Variants in SSBP3 observed in about 807,000 individuals in gnomAD.
The protein encoded by SSBP3 is single stranded DNA binding protein 3, also known as single-stranded DNA-binding protein 3.
SSBP3 carries 5 observed loss-of-function variants against 69.6 expected under a neutral mutation model. The observed-to-expected ratio is 0.07, with a 90% CI of 0.04 to 0.15. The LOEUF is 0.15. SSBP3 is among the 10% of genes least tolerant of loss of function. The pLI is 1.00. For missense variants in SSBP3, 312 were observed against 534.0 expected (o/e 0.58, Z 4.10); for synonymous variants, 196 against 193.4 (o/e 1.01, Z -0.11).
chr1:54,257,280 T>A, intron 6 of SSBP3, 94 bp from the exon 7 acceptor site: 2 of 1,118,692 alleles, frequency 1.8e-6, no homozygotes, highest in Non-Finnish European at 2.5e-6. Context: ...AGTTTTGTTA[T>A]AACTAGTGAT....
intron 4 of SSBP3, among the ~76,000 whole-genome samples, chr1:54,302,905 C>T (rs1446893645): frequency 4.6e-5 from 7 of 152,194 alleles, no homozygotes; most frequent in Admixed American, 4.6e-4. Context: ...GACACCCAGC[C>T]ATGCCCTGGC....
intron 4 of SSBP3, among the ~76,000 whole-genome samples, chr1:54,357,434 G>C (rs1176805719): frequency 2.0e-5 from 3 of 152,230 alleles, no homozygotes; most frequent in African/African-American, 7.2e-5. Flanking sequence ...TTGGGGGCTG[G>C]GGGTAGGGTG....
At chr1:54,297,801 G>T (rs1645728015) in intron 4 of SSBP3, among the ~76,000 whole-genome samples, 1 of 152,180 alleles carries the variant, frequency 6.6e-6, no homozygotes, top group South Asian at 2.1e-4. Context: ...AAAACAAAGG[G>T]AATGGATTCA....
intron 4 of SSBP3, among the ~76,000 whole-genome samples, chr1:54,282,623 C>T (rs991375086): frequency 6.6e-6 from 1 of 152,226 alleles, no homozygotes; most frequent in Admixed American, 6.5e-5. Flanking sequence ...TGCCTGGCCC[C>T]GTGCTCACAC....
At chr1:54,252,649 G>A (rs1211090241) in intron 7 of SSBP3, among the ~76,000 whole-genome samples, 1 of 152,244 alleles carries the variant, frequency 6.6e-6, no homozygotes, top group South Asian at 2.1e-4. Flanking sequence ...GGTAAACACG[G>A]GGGCCACGGG....
At chr1:54,401,501 T>C (rs213498) in intron 4 of SSBP3, among the ~76,000 whole-genome samples, 1 of 152,030 alleles carries the variant, frequency 6.6e-6, no homozygotes, top group African/African-American at 2.4e-5. Flanking sequence ...TATTGGCTTT[T>C]GTTTGTTACA....
intron 4 of SSBP3, among the ~76,000 whole-genome samples, chr1:54,355,029 G>C (rs148965925): frequency 3.3e-4 from 50 of 152,352 alleles, no homozygotes; most frequent in African/African-American, 1.2e-3. Flanking sequence ...GAAGGGGAGG[G>C]TGAGGCTGGG....
intron 9 of SSBP3, among the ~76,000 whole-genome samples, chr1:54,246,569 G>A (rs1046307171): frequency 3.9e-5 from 6 of 152,218 alleles, no homozygotes; most frequent in African/African-American, 7.2e-5. Flanking sequence ...AGTACGCAGC[G>A]CTGAGCTGGG....
intron 5 of SSBP3, among the ~76,000 whole-genome samples, chr1:54,259,132 G>A (rs944427123): frequency 4.4e-5 from 6 of 135,224 alleles, no homozygotes; most frequent in South Asian, 2.4e-4. Context: ...CACCCCCACC[G>A]CCTCAACCCT....
chr1:54,243,629 A>G (rs1429643819), intron 9 of SSBP3, among the ~76,000 whole-genome samples: 7 of 152,186 alleles, frequency 4.6e-5, no homozygotes, highest in Non-Finnish European at 8.8e-5. Flanking sequence ...CCCTGGGCTC[A>G]GGCGGGTAAG....
chr1:54,310,457 G>C (rs1645981011), intron 4 of SSBP3, among the ~76,000 whole-genome samples: 1 of 152,106 alleles, frequency 6.6e-6, no homozygotes, highest in African/African-American at 2.4e-5. Flanking sequence ...AGAGCCCACG[G>C]ACACACCTTC....
At chr1:54,403,503 A>G (rs1181757239) in intron 3 of SSBP3, among the ~76,000 whole-genome samples, 1 of 152,210 alleles carries the variant, frequency 6.6e-6, no homozygotes, top group Non-Finnish European at 1.5e-5. Context: ...CCACTCCTAC[A>G]GGTGGAATCC....
intron 4 of SSBP3, among the ~76,000 whole-genome samples, chr1:54,386,508 C>G (rs1648089864): frequency 6.6e-6 from 1 of 151,962 alleles, no homozygotes; most frequent in African/African-American, 2.4e-5. Context: ...GTTCTCACCC[C>G]CAGTTCCAAG....
intron 11 of SSBP3, 127 bp from the exon 12 acceptor site, chr1:54,241,636 T>A: frequency 3.1e-6 from 3 of 979,700 alleles, no homozygotes; most frequent in Non-Finnish European, 4.8e-6. Flanking sequence ...GGCCACCCAC[T>A]TGGTTCCCCT....
chr1:54,404,005 T>A (rs1301066728), intron 3 of SSBP3, among the ~76,000 whole-genome samples: 1 of 114,438 alleles, frequency 8.7e-6, no homozygotes, highest in African/African-American at 3.4e-5. Flanking sequence ...AACAACACTT[T>A]GTGGTTTTAG....
At chr1:54,277,027 A>G (rs1645300917) in intron 5 of SSBP3, among the ~76,000 whole-genome samples, 1 of 152,162 alleles carries the variant, frequency 6.6e-6, no homozygotes, top group Non-Finnish European at 1.5e-5. Context: ...TGGGCAGACT[A>G]TGGTTGATTC....
chr1:54,274,064 C>A (rs1645242599), intron 5 of SSBP3, among the ~76,000 whole-genome samples: 3 of 152,186 alleles, frequency 2.0e-5, no homozygotes, highest in African/African-American at 7.2e-5. Flanking sequence ...ACACATCCAC[C>A]CCTGACACAG....
At chr1:54,381,420 A>T (rs902319442) in intron 4 of SSBP3, among the ~76,000 whole-genome samples, 1 of 148,154 alleles carries the variant, frequency 6.7e-6, no homozygotes, top group African/African-American at 2.5e-5. Flanking sequence ...GAGAGAGAGC[A>T]TGTCAGTAGA....
At chr1:54,378,181 A>G (rs1281923907) in intron 4 of SSBP3, among the ~76,000 whole-genome samples, 1 of 152,208 alleles carries the variant, frequency 6.6e-6, no homozygotes, top group Non-Finnish European at 1.5e-5. Flanking sequence ...AATGAACTGA[A>G]TCCAGCCCAA....
Sources: gnomAD v4.1 joint callset for allele counts (sites outside exome capture counted in the v4.1 genomes callset) on GRCh38, gnomAD v4.1.1 for gene constraint, MANE v1.5 for transcripts, NCBI Gene and HGNC (gene_info 2026-07-23, HGNC 2026-07-21) for gene names.